The following STAG1 variants were observed in gnomAD, a reference collection of about 807,000 sequenced individuals.
The protein encoded by STAG1 is STAG1 cohesin complex component.
A neutral mutation model predicts 170.9 loss-of-function variants in STAG1; 26 were observed. The ratio of observed to expected loss-of-function variants is 0.15; its 90% CI spans 0.11 to 0.21. STAG1 has a LOEUF of 0.21. Ranked by LOEUF, STAG1 falls within the 10% of genes least tolerant of loss-of-function variation. The pLI is 1.00. For synonymous variants in STAG1, 514 were observed against 497.7 expected (o/e 1.03, Z -0.44); for missense variants, 964 against 1,509.5 (o/e 0.64, Z 5.99).
At chr3:136,599,536 T>TA (rs1553752471) in intron 4 of STAG1, among the ~76,000 whole-genome samples, 1 of 151,808 alleles carries the variant, frequency 6.6e-6, no homozygotes, top group Non-Finnish European at 1.5e-5. Context: ...GTCTCAAAAA[T>TA]AAATAAAATA....
chr3:136,513,514 C>A (rs1035898845), intron 7 of STAG1, among the ~76,000 whole-genome samples: 3 of 152,162 alleles, frequency 2.0e-5, no homozygotes, highest in South Asian at 2.1e-4. Context: ...TTCAGGATAT[C>A]ATCATGAAAT....
intron 9 of STAG1, among the ~76,000 whole-genome samples, chr3:136,499,227 C>A (rs994030201): frequency 1.3e-5 from 2 of 152,216 alleles, no homozygotes; most frequent in South Asian, 4.1e-4. Context: ...GTTCTGTCAC[C>A]CAGACTGGAG....
At chr3:136,450,228 A>G (rs967846989) in intron 14 of STAG1, among the ~76,000 whole-genome samples, 1 of 152,198 alleles carries the variant, frequency 6.6e-6, no homozygotes, top group Non-Finnish European at 1.5e-5. Context: ...ATTAGTATGC[A>G]AAGTGTGATC....
chr3:136,623,488 T>C (rs1445197954), intron 2 of STAG1, among the ~76,000 whole-genome samples: 1 of 152,200 alleles, frequency 6.6e-6, no homozygotes, highest in African/African-American at 2.4e-5. Context: ...GTGGAAATGA[T>C]AGCTGCTATA....
At chr3:136,452,622 T>C (rs1273608494) in intron 13 of STAG1, among the ~76,000 whole-genome samples, 4 of 151,902 alleles carry the variant, frequency 2.6e-5, no homozygotes, top group Non-Finnish European at 4.4e-5. Context: ...CTGATGTCAT[T>C]ATAGGTCGGA....
intron 4 of STAG1, among the ~76,000 whole-genome samples, chr3:136,598,427 T>C (rs993433490): frequency 5.3e-5 from 8 of 151,790 alleles, no homozygotes; most frequent in African/African-American, 1.9e-4. Flanking sequence ...ACAACCTTTT[T>C]TTTTTTTCTT....
intron 14 of STAG1, among the ~76,000 whole-genome samples, chr3:136,451,446 T>C (rs370718809): frequency 2.0e-5 from 3 of 151,972 alleles, no homozygotes; most frequent in South Asian, 2.1e-4. Context: ...GCTACAGGCA[T>C]AAAAACAAAA....
intron 1 of STAG1, among the ~76,000 whole-genome samples, chr3:136,708,298 A>G (rs1943282497): frequency 6.6e-6 from 1 of 152,172 alleles, no homozygotes; most frequent in Non-Finnish European, 1.5e-5. Context: ...ATTTAGCCAT[A>G]AAAATTAAGT....
At chr3:136,568,906 T>C (rs774073633) in intron 4 of STAG1, 45 bp from the exon 5 acceptor site, 4 of 1,399,368 alleles carry the variant, frequency 2.9e-6, no homozygotes, top group Non-Finnish European at 4.0e-6. Context: ...AAAAATTTGA[T>C]ATTATAGCAA....
At chr3:136,746,092 A>G (rs565731781) in intron 1 of STAG1, among the ~76,000 whole-genome samples, 8 of 152,224 alleles carry the variant, frequency 5.3e-5, no homozygotes, top group Non-Finnish European at 1.0e-4. Flanking sequence ...AACCACCAAA[A>G]TAACAGAAAA....
intron 19 of STAG1, among the ~76,000 whole-genome samples, chr3:136,421,894 T>TA (rs2087968361): frequency 6.6e-6 from 1 of 152,130 alleles, no homozygotes; most frequent in East Asian, 1.9e-4. Context: ...CTCATGCCTG[T>TA]AATCCCAGCA....
Position 136,579,009 on chromosome 3 carries a change from G to A in STAG1, c.298-10148C>T, listed in dbSNP as rs142113643. Among the ~76,000 whole-genome samples, 20 of 152,328 alleles carry A rather than the reference G, an allele frequency of 1.3e-4. No homozygotes were observed. In the East Asian group the frequency reaches 3.5e-3, roughly 26 times the overall value. ...CACTACATCCCTGGGAAATTGCAGA[G>A]TTTAATCAAAGACTTGAAAGAAGCA... On this transcript the variant is annotated intron_variant, in intron 4 of 33. Transcript: ENST00000383202.
In STAG1 at chr3:136,442,693, TA is replaced by T. The variant is rs56744994; in HGVS notation, c.1546+593del. 6.9e-4 allele frequency among the ~76,000 whole-genome samples: 103 copies of T among 148,774 alleles called. 1 individual carries two copies. Among genetic ancestry groups the T allele is most frequent in the Middle Eastern group, 3.4e-3 (1 of 292 alleles). The stretch of plus-strand genomic sequence containing the variant: ...AGAAAAAAAAAATTCTGGATGTACT[TA>T]AAAAAAAAAACATTAAGTTACGTCA... On this transcript the variant is annotated intron_variant, in intron 15 of 33. Coordinates refer to ENST00000383202, the MANE Select transcript of STAG1 (RefSeq NM_005862.3).
intron 6 of STAG1, among the ~76,000 whole-genome samples, chr3:136,524,559 C>T (rs1172390856): frequency 2.0e-5 from 3 of 152,128 alleles, no homozygotes; most frequent in African/African-American, 7.2e-5. Flanking sequence ...AATTTGACTT[C>T]CTCTTCTCCT....
rs199611585 is a variant in STAG1, at chr3:136,604,486, TAAAA to T, written c.133-17_133-14del. 1.3e-6 allele frequency: 2 copies of T among 1,583,560 alleles called. No individual in the cohort carries two copies. The highest frequency in any genetic ancestry group is 1.2e-5 in the South Asian group (1 of 85,380). ...TCTTATTTGTAGACTGAAAAAAAGA[TAAAA>T]AAAGATTCCATTCGATTAGGTTTAC... is the stretch of plus-strand genomic sequence containing the variant. On this transcript the variant is annotated splice_polypyrimidine_tract_variant and intron_variant, in intron 3 of 33. Transcript: ENST00000383202.
At chr3:136,732,223 C>A (rs1272290567) in intron 1 of STAG1, among the ~76,000 whole-genome samples, 3 of 126,252 alleles carry the variant, frequency 2.4e-5, no homozygotes, top group East Asian at 2.4e-4. Context: ...AAAATCAAAT[C>A]TTTTATCCAC....
Position 136,357,889 on chromosome 3 carries a change from G to A in STAG1, c.2937-41C>T, listed in dbSNP as rs1936715805. 2.0e-6 allele frequency: 3 copies of A among 1,533,786 alleles called. No individual in the cohort carries two copies. The East Asian group carries it at 6.9e-5, about 35-fold the overall frequency. On this transcript the variant is annotated intron_variant, in intron 27 of 33. Coordinates refer to ENST00000383202, the MANE Select transcript of STAG1 (RefSeq NM_005862.3). The stretch of plus-strand genomic sequence containing the variant: ...ATATCAACTTATTTTTCCAGATAGT[G>A]TAATTCTCTCAATTAGCTAACATTA...
intron 12 of STAG1, among the ~76,000 whole-genome samples, chr3:136,471,059 G>A (rs569012618): frequency 2.0e-5 from 3 of 151,128 alleles, no homozygotes; most frequent in Admixed American, 6.6e-5. Flanking sequence ...ACACCAACAC[G>A]GCACATGTAT....
At chr3:136,484,386 G>T (rs1271242712) in intron 9 of STAG1, among the ~76,000 whole-genome samples, 1 of 148,032 alleles carries the variant, frequency 6.8e-6, no homozygotes, top group African/African-American at 2.5e-5. Flanking sequence ...CAGTTAGGCT[G>T]CTCGGGGGTC....
Sources: gnomAD v4.1 joint callset for allele counts (sites outside exome capture counted in the v4.1 genomes callset) on GRCh38, gnomAD v4.1.1 for gene constraint, MANE v1.5 for transcripts, NCBI Gene and HGNC (gene_info 2026-07-23, HGNC 2026-07-21) for gene names.